TSHR: variants seen among roughly 807,000 people sequenced by gnomAD.
TSHR encodes thyrotropin receptor.
Under a neutral mutation model 64.1 loss-of-function variants are expected in TSHR, and 51 were observed. The observed-to-expected ratio is 0.80, with a 90% confidence interval of 0.64 to 1.01. The LOEUF (loss-of-function observed/expected upper bound fraction) is 1.01. Among genes scored for constraint, TSHR ranks in the 50% least tolerant of loss-of-function variants. The pLI is 0.00. For missense variants in TSHR, 877 were observed against 942.8 expected, an observed-to-expected ratio of 0.93 and a Z score of 0.91; for synonymous variants, 361 against 361.9, an observed-to-expected ratio of 1.00 and a Z score of 0.03.
At position 80,967,549 on chromosome 14, in the gene TSHR, T is replaced by C. The variant is rs1048963706; in HGVS notation, c.170+11699T>C. Among the ~76,000 whole-genome samples, 26 of 152,090 alleles carry C rather than the reference T, an allele frequency of 1.7e-4. 1 individual carries two copies. The highest frequency in any genetic ancestry group is 5.8e-4 in the African/African-American group (24 of 41,404). On this transcript the variant is annotated intron_variant, in intron 1 of 9. Transcript: ENST00000298171. ...ATCTGGCCGCCTCGGCCTCCCAAAA[T>C]GCTGGGATTACAAGTGTAAGCCACC...
chr14:81,086,887 A>T (rs79270089), intron 3 of TSHR, among the ~76,000 whole-genome samples: 5,005 of 152,314 alleles, frequency 0.033, 245 homozygotes, highest in African/African-American at 0.1. Flanking sequence ...TTTATAAAGA[A>T]AGAAAACTGA....
chr14:81,082,397 T>C (rs1340342474), intron 3 of TSHR, among the ~76,000 whole-genome samples: 2 of 152,236 alleles, frequency 1.3e-5, no homozygotes, highest in South Asian at 2.1e-4. Context: ...CCTGCCTCTG[T>C]ATCCCTGCTT....
Position 81,143,228 on chromosome 14 carries a change from T to A in TSHR, c.1170T>A (p.Cys390Ter). ...ACAGCCATTATGACTACACCATATG[T>A]GGGGACAGTGAAGACATGGTGTGTA... ...AFDSHYDYTICGDSEDMVCTP... is the reference protein window; with the variant it reads ...AFDSHYDYTI Residue 390 changes from cysteine (C) to a stop codon, truncating the protein, a stop_gained, in exon 10 of 10, where the codon TGT becomes TGA. Transcript: ENST00000298171. LOFTEE classifies it high-confidence loss of function. 1 of 1,614,148 alleles carries A rather than the reference T, an allele frequency of 6.2e-7. No homozygotes were observed. Among genetic ancestry groups the A allele is most frequent in the East Asian group, 2.2e-5 (1 of 44,878 alleles).
At chr14:80,959,121 T>C (rs536599945) in intron 1 of TSHR, among the ~76,000 whole-genome samples, 16 of 152,262 alleles carry the variant, frequency 1.1e-4, no homozygotes, top group Admixed American at 7.2e-4. Flanking sequence ...TTACGGACTG[T>C]GGCCCTCACT....
intron 1 of TSHR, among the ~76,000 whole-genome samples, chr14:81,058,452 C>CA (rs1389615917): frequency 1.3e-5 from 2 of 152,206 alleles, no homozygotes; most frequent in African/African-American, 4.8e-5. Flanking sequence ...ACATAGGATA[C>CA]AAGACTATAG....
chr14:81,059,576 T>A (rs976745809), intron 1 of TSHR, among the ~76,000 whole-genome samples: 2 of 152,196 alleles, frequency 1.3e-5, no homozygotes, highest in Admixed American at 1.3e-4. Context: ...CAGCGTGTTA[T>A]CATGATATTA....
intron 8 of TSHR, among the ~76,000 whole-genome samples, chr14:81,118,337 A>G (rs1318137582): frequency 1.1e-5 from 1 of 92,006 alleles, no homozygotes; most frequent in Non-Finnish European, 2.1e-5. Flanking sequence ...GTCTCAGGAT[A>G]CAAAATCAAT....
At chr14:81,035,027 C>G (rs540389451) in intron 1 of TSHR, among the ~76,000 whole-genome samples, 25 of 151,780 alleles carry the variant, frequency 1.6e-4, no homozygotes, top group African/African-American at 6.0e-4. Context: ...TCCCAAAAAA[C>G]AGGGAGGGTG....
intron 1 of TSHR, among the ~76,000 whole-genome samples, chr14:81,004,702 T>A (rs1297762443): frequency 6.6e-6 from 1 of 152,198 alleles, no homozygotes; most frequent in East Asian, 1.9e-4. Context: ...GCAACCGCCA[T>A]GGTCATTGCT....
At chr14:80,969,112 A>G (rs1449099103) in intron 1 of TSHR, among the ~76,000 whole-genome samples, 1 of 152,216 alleles carries the variant, frequency 6.6e-6, no homozygotes, top group African/African-American at 2.4e-5. Context: ...TATGTTGGCT[A>G]TTGATTCAGC....
intron 1 of TSHR, among the ~76,000 whole-genome samples, chr14:81,019,223 A>G (rs990481693): frequency 8.5e-5 from 13 of 152,084 alleles, no homozygotes; most frequent in African/African-American, 3.1e-4. Context: ...AGTCCCAACT[A>G]CTCAGGAGGC....
At chr14:81,137,413 A>G (rs1319004138) in intron 8 of TSHR, among the ~76,000 whole-genome samples, 2 of 152,158 alleles carry the variant, frequency 1.3e-5, no homozygotes, top group Non-Finnish European at 2.9e-5. Context: ...CTTGAATTTG[A>G]TAGTTCTCTT....
At chr14:81,114,020 T>C (rs1890351935) in intron 8 of TSHR, among the ~76,000 whole-genome samples, 1 of 151,080 alleles carries the variant, frequency 6.6e-6, no homozygotes, top group African/African-American at 2.4e-5. Context: ...TTCTAAAATG[T>C]AAGAATAACA....
intron 1 of TSHR, chr14:80,994,761 CA>C (rs1594930320): frequency 6.6e-6 from 1 of 152,000 alleles, no homozygotes; most frequent in Admixed American, 6.6e-5. Context: ...ATGTAAAACC[CA>C]AAACTGTAAA....
At chr14:81,083,519 C>T (rs1255133861) in intron 3 of TSHR, among the ~76,000 whole-genome samples, 1 of 151,446 alleles carries the variant, frequency 6.6e-6, no homozygotes, top group Admixed American at 6.6e-5. Context: ...GATAAAGGCC[C>T]AGTGTTGCTG....
chr14:81,085,761 G>C (rs542232028), intron 3 of TSHR, among the ~76,000 whole-genome samples: 76 of 152,180 alleles, frequency 5.0e-4, no homozygotes, highest in African/African-American at 1.8e-3. Flanking sequence ...CCAAACTCCT[G>C]CATCTAGTTT....
intron 1 of TSHR, among the ~76,000 whole-genome samples, chr14:81,017,394 T>G (rs1883469754): frequency 6.6e-6 from 1 of 152,168 alleles, no homozygotes; most frequent in Admixed American, 6.6e-5. Flanking sequence ...GAGCTCCCAG[T>G]AACTCAAGGG....
At chr14:81,012,391 C>T (rs1016828725) in intron 1 of TSHR, 10 of 151,756 alleles carry the variant, frequency 6.6e-5, no homozygotes, top group Non-Finnish European at 1.2e-4. Flanking sequence ...AATAATGCCG[C>T]AATAAACATA....
chr14:80,971,387 G>T (rs1463339043), intron 1 of TSHR, among the ~76,000 whole-genome samples: 13 of 152,138 alleles, frequency 8.5e-5, no homozygotes, highest in Non-Finnish European at 1.9e-4. Flanking sequence ...AATTGGTATT[G>T]CTATTGTTCC....
Sources: allele counts gnomAD v4.1 joint callset (sites outside exome capture counted in the v4.1 genomes callset), GRCh38; gene constraint gnomAD v4.1.1; transcripts MANE v1.5; gene names NCBI Gene and HGNC (gene_info 2026-07-23, HGNC 2026-07-21).